The following ABCB5 variants were observed in gnomAD, a reference collection of about 807,000 sequenced individuals.
ABCB5 encodes the protein ATP-binding cassette sub-family B member 5.
A neutral mutation model predicts 144.2 loss-of-function variants in ABCB5; 155 were observed. That is an observed-to-expected ratio of 1.08 (90% CI 0.94 to 1.23). ABCB5 has a LOEUF of 1.23. ABCB5 is among the 50% of genes most tolerant of loss of function. The pLI, the probability that ABCB5 is intolerant of heterozygous loss-of-function variation, is 0.00. For synonymous variants in ABCB5, 610 were observed against 528.6 expected, an observed-to-expected ratio of 1.15 and a Z score of -2.11; for missense variants, 1,830 against 1,520.8, an observed-to-expected ratio of 1.20 and a Z score of -3.38.
chr7:20,691,642 G>A (rs1786235182), intron 16 of ABCB5, among the ~76,000 whole-genome samples: 1 of 148,930 alleles, frequency 6.7e-6, no homozygotes, highest in South Asian at 2.1e-4. Flanking sequence ...TAGGGTACAT[G>A]TGCACAACGT....
In ABCB5 at chr7:20,643,284, A is replaced by G; in HGVS notation, c.415A>G (p.Ile139Val). The G allele has an allele frequency of 6.2e-7, 1 of 1,613,950 alleles. No individual in the cohort carries two copies. The highest frequency in any genetic ancestry group is 8.5e-7 in the Non-Finnish European group (1 of 1,179,880). Residue 139 changes from isoleucine to valine, a missense_variant, in exon 6 of 28, where the codon ATT (isoleucine) becomes GTT (valine). Ile to Val is a conservative substitution (Grantham distance 29, BLOSUM62 3). Coordinates refer to ENST00000404938, the MANE Select transcript of ABCB5 (RefSeq NM_001163941.2). ...AACTGCAGCACGACAGACCAAGAGG[A>G]TTCGAAAACAGTTTTTTCATTCAGT... is the stretch of plus-strand genomic sequence containing the variant. ...IITAARQTKR[I>V]RKQFFHSVLA...
intron 20 of ABCB5, 103 bp from the exon 21 acceptor site, chr7:20,722,913 C>A (rs1781918688): frequency 6.6e-6 from 6 of 912,410 alleles, no homozygotes; most frequent in South Asian, 1.7e-5. Flanking sequence ...AGTATAAATT[C>A]TTTTTTTAAA....
intron 16 of ABCB5, among the ~76,000 whole-genome samples, chr7:20,698,003 T>A (rs924380082): frequency 1.3e-5 from 2 of 152,244 alleles, no homozygotes; most frequent in Non-Finnish European, 2.9e-5. Flanking sequence ...AACTTTTACC[T>A]TCCACATTTT....
chr7:20,672,412 G>A (rs1785477651), intron 14 of ABCB5, among the ~76,000 whole-genome samples: 1 of 152,034 alleles, frequency 6.6e-6, no homozygotes. Context: ...CTGTTGGCAG[G>A]ATGAGGGGAG....
At chr7:20,698,906 C>G (rs1786514859) in intron 17 of ABCB5, among the ~76,000 whole-genome samples, 1 of 152,126 alleles carries the variant, frequency 6.6e-6, no homozygotes, top group Non-Finnish European at 1.5e-5. Context: ...TTCTTACCAG[C>G]CAGCTCAGGG....
At chr7:20,725,966 G>A (rs1782022780) in intron 21 of ABCB5, among the ~76,000 whole-genome samples, 1 of 152,176 alleles carries the variant, frequency 6.6e-6, no homozygotes, top group Admixed American at 6.5e-5. Flanking sequence ...ATTCTTCAGA[G>A]AAGGCCAAGT....
At chr7:20,707,801 CTTTTTTTTT>C (rs67014566) in intron 20 of ABCB5, among the ~76,000 whole-genome samples, 1 of 93,088 alleles carries the variant, frequency 1.1e-5, no homozygotes, top group Non-Finnish European at 2.0e-5. Flanking sequence ...AACCTCATTT[CTTTTTTTTT>C]TTTTTTTTTT....
At chr7:20,687,550 T>C (rs890759385) in intron 16 of ABCB5, among the ~76,000 whole-genome samples, 2 of 152,324 alleles carry the variant, frequency 1.3e-5, no homozygotes, top group South Asian at 2.1e-4. Context: ...GGTTAGCCAA[T>C]GCCTGGAGCT....
chr7:20,711,847 TTCTTTCTTTCTTTCCTTCCTC>T (rs1562573815), intron 20 of ABCB5, among the ~76,000 whole-genome samples: 16 of 74,852 alleles, frequency 2.1e-4, no homozygotes, highest in African/African-American at 7.8e-4. Flanking sequence ...TTTCTTTCTT[TTCTTTCTTTCTTTCCTTCCTC>T]CCTCCCTCCC....
At chr7:20,654,505 C>G (rs190939387) in intron 13 of ABCB5, among the ~76,000 whole-genome samples, 5 of 152,264 alleles carry the variant, frequency 3.3e-5, no homozygotes, top group African/African-American at 1.2e-4. Context: ...CTAGATTTCA[C>G]TGGCATTTAT....
intron 2 of ABCB5, 80 bp from the exon 3 acceptor site, chr7:20,626,476 AC>A: frequency 8.0e-7 from 1 of 1,244,528 alleles, no homozygotes; most frequent in Non-Finnish European, 1.1e-6. Flanking sequence ...GATATCTGAC[AC>A]TTCTGCAAAC....
At chr7:20,678,966 A>G (rs1203969692) in intron 14 of ABCB5, among the ~76,000 whole-genome samples, 1 of 152,192 alleles carries the variant, frequency 6.6e-6, no homozygotes, top group East Asian at 1.9e-4. Flanking sequence ...CACATACAAA[A>G]ACTAATCCCA....
At chr7:20,642,543 T>A (rs1205723949) in intron 5 of ABCB5, among the ~76,000 whole-genome samples, 1 of 152,182 alleles carries the variant, frequency 6.6e-6, no homozygotes. Flanking sequence ...TTTCTCCTTG[T>A]GTATTGTCTG....
intron 26 of ABCB5, among the ~76,000 whole-genome samples, chr7:20,753,143 C>T (rs1279119379): frequency 6.6e-6 from 1 of 152,168 alleles, no homozygotes; most frequent in Admixed American, 6.5e-5. Flanking sequence ...CAGAGGTCTG[C>T]TGTCTGATCA....
chr7:20,646,864 C>A (rs1477283073), intron 9 of ABCB5, among the ~76,000 whole-genome samples: 1 of 152,118 alleles, frequency 6.6e-6, no homozygotes, highest in African/African-American at 2.4e-5. Context: ...TTTAGCTATT[C>A]ATTTATTTCA....
chr7:20,632,302 G>A (rs186557689), intron 5 of ABCB5, among the ~76,000 whole-genome samples, 189 bp downstream of exon 5: 1 of 151,984 alleles, frequency 6.6e-6, no homozygotes, highest in East Asian at 1.9e-4. Flanking sequence ...CTACTTGAAA[G>A]GTGTATAGGT....
chr7:20,629,349 T>C (rs1583377998), intron 4 of ABCB5, among the ~76,000 whole-genome samples: 1 of 152,162 alleles, frequency 6.6e-6, no homozygotes, highest in Admixed American at 6.6e-5. Flanking sequence ...AAGCCCACAA[T>C]AGTTCAGCTT....
intron 5 of ABCB5, among the ~76,000 whole-genome samples, chr7:20,635,609 G>A (rs1347051223): frequency 2.0e-5 from 3 of 151,888 alleles, no homozygotes; most frequent in African/African-American, 7.3e-5. Context: ...AGTTTTCCTT[G>A]TAAAGATCTT....
chr7:20,697,688 C>T (rs1440691633), intron 16 of ABCB5, among the ~76,000 whole-genome samples: 1 of 152,122 alleles, frequency 6.6e-6, no homozygotes, highest in East Asian at 1.9e-4. Context: ...ATAATCCTTC[C>T]TCTGTAATAA....
Sources: gnomAD v4.1 joint callset for allele counts (sites outside exome capture counted in the v4.1 genomes callset) on GRCh38, gnomAD v4.1.1 for gene constraint, MANE v1.5 for transcripts, NCBI Gene and HGNC (gene_info 2026-07-23, HGNC 2026-07-21) for gene names.